The following MINAR1 variants were observed in gnomAD, a reference collection of about 807,000 sequenced individuals.
The protein encoded by MINAR1 is membrane integral NOTCH2 associated receptor 1, also known as major intrinsically disordered Notch2-binding receptor 1.
MINAR1 carries 40 observed loss-of-function variants against 65.1 expected under a neutral mutation model. The ratio of observed to expected loss-of-function variants is 0.61; its 90% CI spans 0.48 to 0.80. The LOEUF is 0.80. MINAR1 is among the 30% of genes least tolerant of loss of function. The pLI, the probability that MINAR1 is intolerant of heterozygous loss-of-function variation, is 0.00. For synonymous variants in MINAR1, 482 were observed against 449.1 expected, an observed-to-expected ratio of 1.07 and a Z score of -0.93; for missense variants, 1,128 against 1,148.0, an observed-to-expected ratio of 0.98 and a Z score of 0.25.
chr15:79,468,510 T>C lies in MINAR1; in HGVS notation c.*126T>C. The C allele has an allele frequency of 1.1e-6, 1 of 873,278 alleles. No homozygotes were observed. The highest frequency in any genetic ancestry group is 1.7e-6 in the Non-Finnish European group (1 of 577,288). 54.1% of individuals were successfully genotyped at this position (873,278 alleles called of 1,614,324 possible). On this transcript the variant is annotated 3_prime_UTR_variant, in exon 4 of 4. Coordinates refer to ENST00000305428, the MANE Select transcript of MINAR1 (RefSeq NM_015206.3). ...GAAATCATGGAGGCATTTCTACAAA[T>C]GTTGAATGAAGGTGGTTTTCAGAAA...
chr15:79,466,576 T>C (rs775564822), intron 3 of MINAR1, among the ~76,000 whole-genome samples: 7 of 152,232 alleles, frequency 4.6e-5, no homozygotes, highest in Non-Finnish European at 8.8e-5. Flanking sequence ...AAATCACTCG[T>C]AGTTCAAGGG....
chr15:79,462,716 T>G (rs1447650945), intron 2 of MINAR1, among the ~76,000 whole-genome samples: 1 of 152,230 alleles, frequency 6.6e-6, no homozygotes, highest in Non-Finnish European at 1.5e-5. Context: ...CAGGTTTAAA[T>G]CCTAGCTCCA....
intron 3 of MINAR1, among the ~76,000 whole-genome samples, chr15:79,464,626 GA>G (rs1895772539): frequency 5.9e-5 from 9 of 152,184 alleles, no homozygotes; most frequent in Admixed American, 5.9e-4. Context: ...TGTTACAAAA[GA>G]AAATGATTGC....
intron 1 of MINAR1, among the ~76,000 whole-genome samples, chr15:79,435,707 C>T (rs914746009): frequency 3.3e-5 from 5 of 152,202 alleles, no homozygotes; most frequent in Non-Finnish European, 7.3e-5. Flanking sequence ...GTGGATGATA[C>T]ACTATGGTGG....
At chr15:79,411,641 G>A in the MINAR1 span, 1 of 615,928 alleles carries the variant, frequency 1.6e-6, no homozygotes, top group South Asian at 1.8e-5. Context: ...AGGGGAACAG[G>A]TGAGTTAAAC....
At chr15:79,450,932 T>C (rs1017648155) in intron 1 of MINAR1, among the ~76,000 whole-genome samples, 1 of 152,202 alleles carries the variant, frequency 6.6e-6, no homozygotes, top group Admixed American at 6.5e-5. Context: ...CTCTTTATTA[T>C]TAAGTGCTTT....
In MINAR1 at chr15:79,457,124, C is replaced by A. The variant is rs766073576; in HGVS notation, c.977C>A (p.Ala326Glu). The A allele has an allele frequency of 1.7e-5, 28 of 1,614,020 alleles. No homozygotes were observed. Among genetic ancestry groups the A allele is most frequent in the Non-Finnish European group, 2.3e-5 (27 of 1,180,048 alleles). ...VYSPVPDKRR[A>E]KHESLDDLQA... The stretch of plus-strand genomic sequence containing the variant: ...TCCCCGGTTCCTGACAAAAGGCGAG[C>A]AAAGCACGAAAGCTTAGATGACCTT... The change falls in exon 2 of 4, where the codon GCA becomes GAA. Residue 326 changes from alanine (A) to glutamate (E), a missense_variant. By Grantham distance (107) the Ala-to-Glu change is moderately radical. Coordinates refer to ENST00000305428, the MANE Select transcript of MINAR1 (RefSeq NM_015206.3).
chr15:79,447,767 C>T (rs1342332266), intron 1 of MINAR1, among the ~76,000 whole-genome samples: 1 of 152,166 alleles, frequency 6.6e-6, no homozygotes, highest in Non-Finnish European at 1.5e-5. Context: ...ATATTTAAGA[C>T]ATTGGCCTTG....
Position 79,457,692 on chromosome 15 carries a change from C to T in MINAR1, c.1545C>T (p.Ser515=), listed in dbSNP as rs768213687. The change falls in exon 2 of 4, where the codon AGC becomes AGT. Residue 515 remains serine (S), a synonymous_variant. Coordinates refer to ENST00000305428, the MANE Select transcript of MINAR1 (RefSeq NM_015206.3). ...CAGACGATGACTCAGAAATTGTCAG[C>T]GACGACATCAGTGACATTTTCCGAT... ...KHSDDDSEIV[S]DDISDIFRFL... The T allele has an allele frequency of 1.8e-5, 29 of 1,614,130 alleles. No homozygotes were observed. Among genetic ancestry groups the T allele is most frequent in the Middle Eastern group, 1.6e-4 (1 of 6,062 alleles).
At chr15:79,453,161 C>A (rs1895293869) in intron 1 of MINAR1, among the ~76,000 whole-genome samples, 1 of 151,976 alleles carries the variant, frequency 6.6e-6, no homozygotes. Context: ...AATGTCCGTG[C>A]CCCCCTCTCT....
intron 3 of MINAR1, chr15:79,463,642 CCTG>C (rs1386652276): frequency 7.2e-6 from 4 of 558,652 alleles, no homozygotes; most frequent in Non-Finnish European, 6.8e-6. Context: ...GCTCACAAGA[CCTG>C]AGCCAAACTG....
At chr15:79,452,652 G>A (rs576188496) in intron 1 of MINAR1, among the ~76,000 whole-genome samples, 83 of 149,880 alleles carry the variant, frequency 5.5e-4, no homozygotes, top group African/African-American at 2.0e-3. Context: ...GTGTGTGTCT[G>A]GGTGAGTGTG....
intron 1 of MINAR1, among the ~76,000 whole-genome samples, chr15:79,436,899 T>C (rs1188738478): frequency 2.0e-5 from 3 of 152,210 alleles, no homozygotes; most frequent in Non-Finnish European, 4.4e-5. Context: ...AACTTCAGTG[T>C]CTTACTCAAT....
chr15:79,456,123 C>T lies in MINAR1; in HGVS notation c.-25C>T. On this transcript the variant is annotated 5_prime_UTR_variant, in exon 2 of 4. Coordinates refer to ENST00000305428, the MANE Select transcript of MINAR1 (RefSeq NM_015206.3). The stretch of plus-strand genomic sequence containing the variant: ...AACTGACCTGAAGTTTCAGTGTAGT[C>T]AGAGAGCTCTTCAAGTAATAAATCA... The T allele has an allele frequency of 6.2e-7, 1 of 1,601,960 alleles. No individual in the cohort carries two copies.
chr15:79,449,083 C>T (rs1298731503), intron 1 of MINAR1, among the ~76,000 whole-genome samples: 1 of 152,180 alleles, frequency 6.6e-6, no homozygotes, highest in Admixed American at 6.5e-5. Context: ...CTGGTTCTGG[C>T]CTTTCCCAAA....
chr15:79,424,623 T>G, the MINAR1 span: 1 of 152,224 alleles, frequency 6.6e-6, no homozygotes, highest in East Asian at 1.9e-4. Context: ...AGTACAGAGA[T>G]GATTCTATAA....
At chr15:79,452,243 T>C (rs961990111) in intron 1 of MINAR1, among the ~76,000 whole-genome samples, 2 of 151,716 alleles carry the variant, frequency 1.3e-5, no homozygotes, top group African/African-American at 4.9e-5. Context: ...GTGTTGTGTG[T>C]ATGTGCATGA....
chr15:79,431,626 G>A (rs1005303620), upstream of MINAR1, among the ~76,000 whole-genome samples: 1 of 152,218 alleles, frequency 6.6e-6, no homozygotes, highest in Admixed American at 6.5e-5. Context: ...TGACCACTTG[G>A]CCCTGGCCTT....
intron 3 of MINAR1, among the ~76,000 whole-genome samples, chr15:79,466,893 A>C (rs989727288): frequency 6.6e-6 from 1 of 152,216 alleles, no homozygotes; most frequent in Admixed American, 6.5e-5. Context: ...CTCTGAGAGC[A>C]GGTGTCCAAT....
Sources: allele counts gnomAD v4.1 joint callset (sites outside exome capture counted in the v4.1 genomes callset), GRCh38; gene constraint gnomAD v4.1.1; transcripts MANE v1.5; gene names NCBI Gene and HGNC (gene_info 2026-07-23, HGNC 2026-07-21).